The following NBAS variants were observed in gnomAD, a reference collection of about 807,000 sequenced individuals.
The protein encoded by NBAS is NBAS subunit of NRZ tethering complex, also known as NAG/BC035112 fusion.
A neutral mutation model predicts 302.5 loss-of-function variants in NBAS; 219 were observed. That is an observed-to-expected ratio of 0.72 (90% CI 0.65 to 0.81). NBAS has a LOEUF of 0.81. Among genes scored for constraint, NBAS ranks in the 30% least tolerant of loss-of-function variants. NBAS has a pLI of 0.00. For missense variants in NBAS, 2,932 were observed against 2,841.6 expected (o/e 1.03, Z -0.72); for synonymous variants, 1,118 against 1,021.6 (o/e 1.09, Z -1.80).
At chr2:15,268,234 G>C (rs1669161311) in intron 44 of NBAS, among the ~76,000 whole-genome samples, 1 of 152,200 alleles carries the variant, frequency 6.6e-6, no homozygotes. Context: ...TCTGATAAGT[G>C]AAGTGGGGAG....
At chr2:14,984,504 G>C in the NBAS span, among the ~76,000 whole-genome samples, 2 of 152,196 alleles carry the variant, frequency 1.3e-5, no homozygotes, top group African/African-American at 4.8e-5. Flanking sequence ...GACTTAGTTG[G>C]GAAATAAGTG....
At chr2:15,013,646 T>G in the NBAS span, among the ~76,000 whole-genome samples, 6,848 of 152,084 alleles carry the variant, frequency 0.045, 348 homozygotes, top group African/African-American at 0.1. Flanking sequence ...TAGCTGGGTG[T>G]GGTGGCACAC....
the NBAS span, among the ~76,000 whole-genome samples, chr2:14,865,043 A>T: frequency 6.6e-6 from 1 of 152,152 alleles, no homozygotes; most frequent in Non-Finnish European, 1.5e-5. Context: ...CTCTCCATAC[A>T]TGAATTTCCG....
At chr2:14,836,918 A>C in the NBAS span, among the ~76,000 whole-genome samples, 1 of 151,820 alleles carries the variant, frequency 6.6e-6, no homozygotes, top group Non-Finnish European at 1.5e-5. Context: ...TTTGTTTCCT[A>C]ATTGCAAGAG....
In NBAS at chr2:15,237,314, A is replaced by G. The variant is rs542143339; in HGVS notation, c.5943+1154T>C. Among the ~76,000 whole-genome samples, 4 of 152,162 alleles carry G rather than the reference A, an allele frequency of 2.6e-5. No individual in the cohort carries two copies. The South Asian group carries it at 8.3e-4, about 32-fold the overall frequency. On this transcript the variant is annotated intron_variant, in intron 45 of 51. Transcript: ENST00000281513. ...TATAGTCCTAACACCTGCGTTTTCA[A>G]ACCTCATCACAGGTAGGGAACCCCA...
the NBAS span, among the ~76,000 whole-genome samples, chr2:14,951,987 G>T: frequency 6.6e-6 from 1 of 152,252 alleles, no homozygotes; most frequent in African/African-American, 2.4e-5. Flanking sequence ...TCATTGGTGG[G>T]GGAGGTGAAA....
chr2:15,150,374 T>C, the NBAS span, among the ~76,000 whole-genome samples: 14 of 152,180 alleles, frequency 9.2e-5, no homozygotes, highest in Non-Finnish European at 1.9e-4. Flanking sequence ...ATTTTCATGC[T>C]AAGTCACCCA....
chr2:15,239,314 T>C (rs1339930346), intron 44 of NBAS, among the ~76,000 whole-genome samples: 2 of 151,844 alleles, frequency 1.3e-5, no homozygotes. Context: ...ATGTATTTTA[T>C]GTATTTTCTA....
At chr2:15,192,489 T>C (rs2380645) in intron 48 of NBAS, among the ~76,000 whole-genome samples, 42,554 of 151,978 alleles carry the variant, frequency 0.28, 7,243 homozygotes, top group East Asian at 0.64. Flanking sequence ...AAGAAAATGA[T>C]ATTGCCAAAA....
chr2:14,961,720 A>G, the NBAS span, among the ~76,000 whole-genome samples: 9 of 152,220 alleles, frequency 5.9e-5, no homozygotes, highest in African/African-American at 1.9e-4. Flanking sequence ...TTCCTACTTT[A>G]TAATTTAGGA....
At chr2:15,356,059 T>C (rs1673603441) in intron 33 of NBAS, among the ~76,000 whole-genome samples, 1 of 152,210 alleles carries the variant, frequency 6.6e-6, no homozygotes, top group Admixed American at 6.5e-5. Context: ...ATTACGAGCA[T>C]GTTTTGAATA....
chr2:14,844,152 C>T, the NBAS span, among the ~76,000 whole-genome samples: 1 of 151,916 alleles, frequency 6.6e-6, no homozygotes, highest in Non-Finnish European at 1.5e-5. Flanking sequence ...ACCTTTTTTC[C>T]ACTTAAAAAA....
At chr2:15,147,141 G>C in the NBAS span, among the ~76,000 whole-genome samples, 1 of 152,178 alleles carries the variant, frequency 6.6e-6, no homozygotes, top group Non-Finnish European at 1.5e-5. Context: ...GCAGACCTGA[G>C]ACGGGTAGGG....
intron 12 of NBAS, among the ~76,000 whole-genome samples, chr2:15,481,880 G>C (rs1009182544): frequency 1.3e-5 from 2 of 152,086 alleles, no homozygotes; most frequent in African/African-American, 2.4e-5. Flanking sequence ...CTCCCCCAAA[G>C]GAAGCTATAA....
At chr2:15,205,885 T>C (rs1056815901) in intron 48 of NBAS, among the ~76,000 whole-genome samples, 1 of 152,226 alleles carries the variant, frequency 6.6e-6, no homozygotes, top group Admixed American at 6.5e-5. Flanking sequence ...TAAACTTCTT[T>C]TCTTTATAAA....
the NBAS span, among the ~76,000 whole-genome samples, chr2:14,856,455 A>T: frequency 3.3e-5 from 5 of 151,926 alleles, no homozygotes; most frequent in South Asian, 1.0e-3. Context: ...TGAATTAAAT[A>T]AGGTACCAGG....
the NBAS span, among the ~76,000 whole-genome samples, chr2:14,819,466 A>C: frequency 6.6e-6 from 1 of 152,246 alleles, no homozygotes; most frequent in Non-Finnish European, 1.5e-5. Context: ...CCAGCTATGA[A>C]GTATGTATTA....
At chr2:15,151,215 A>G in the NBAS span, among the ~76,000 whole-genome samples, 1 of 152,226 alleles carries the variant, frequency 6.6e-6, no homozygotes, top group South Asian at 2.1e-4. Flanking sequence ...GGGCAACCCC[A>G]TGTCTCAATA....
chr2:15,087,819 A>G, the NBAS span, among the ~76,000 whole-genome samples: 1 of 152,254 alleles, frequency 6.6e-6, no homozygotes, highest in African/African-American at 2.4e-5. Context: ...TGACTCACTC[A>G]GTCATTTGTT....
Sources: gnomAD v4.1 joint callset for allele counts (sites outside exome capture counted in the v4.1 genomes callset) on GRCh38, gnomAD v4.1.1 for gene constraint, MANE v1.5 for transcripts, NCBI Gene and HGNC (gene_info 2026-07-23, HGNC 2026-07-21) for gene names.